ATP2C2: variants seen among roughly 807,000 people sequenced by gnomAD.
ATP2C2 encodes the protein ATPase secretory pathway Ca2+ transporting 2, also known as calcium-transporting ATPase type 2C member 2.
ATP2C2 carries 171 observed loss-of-function variants against 110.8 expected under a neutral mutation model. The ratio of observed to expected loss-of-function variants is 1.54; its 90% confidence interval spans 1.36 to 1.75. ATP2C2 has a LOEUF of 1.75. ATP2C2 is among the 40% of genes most tolerant of loss of function. ATP2C2 has a pLI of 0.00. For synonymous variants in ATP2C2, 804 were observed against 508.4 expected, an observed-to-expected ratio of 1.58 and a Z score of -7.82; for missense variants, 1,963 against 1,235.0, an observed-to-expected ratio of 1.59 and a Z score of -8.84.
At chr16:84,389,857 A>G (rs1008121048) in intron 1 of ATP2C2, among the ~76,000 whole-genome samples, 2 of 151,584 alleles carry the variant, frequency 1.3e-5, no homozygotes, top group African/African-American at 4.9e-5. Context: ...AGTAGCTGGG[A>G]CTACAGGCAT....
intron 4 of ATP2C2, 94 bp downstream of exon 4, chr16:84,408,588 G>T: frequency 1.0e-6 from 1 of 968,210 alleles, no homozygotes; most frequent in Non-Finnish European, 1.5e-6. Flanking sequence ...AAAAGAGTTT[G>T]CTGTAGGGGG....
At chr16:84,452,193 G>A in intron 18 of ATP2C2, 102 bp downstream of exon 18, 1 of 1,413,804 alleles carries the variant, frequency 7.1e-7, no homozygotes, top group Non-Finnish European at 9.7e-7. Context: ...GGTCAGGAGT[G>A]CTCACGCCTA....
intron 7 of ATP2C2, among the ~76,000 whole-genome samples, chr16:84,419,405 C>T (rs1907128163): frequency 6.6e-6 from 1 of 152,052 alleles, no homozygotes; most frequent in South Asian, 2.1e-4. Flanking sequence ...ACCCTCCGTC[C>T]TCCCCTCCCT....
At chr16:84,379,334 T>C (rs957899565) in intron 1 of ATP2C2, among the ~76,000 whole-genome samples, 1 of 152,162 alleles carries the variant, frequency 6.6e-6, no homozygotes, top group Admixed American at 6.5e-5. Flanking sequence ...ACAACCATGC[T>C]TGGCTAATTT....
chr16:84,416,717 C>T (rs914177137), intron 7 of ATP2C2, among the ~76,000 whole-genome samples: 1 of 152,152 alleles, frequency 6.6e-6, no homozygotes, highest in African/African-American at 2.4e-5. Context: ...CGGGCTCAGG[C>T]TGGTGCCCTC....
At chr16:84,412,145 C>G (rs371127419) in intron 6 of ATP2C2, among the ~76,000 whole-genome samples, 47 of 152,262 alleles carry the variant, frequency 3.1e-4, no homozygotes, top group African/African-American at 1.1e-3. Context: ...TCCCAAGTAG[C>G]TGGGAATACA....
At chr16:84,454,702 C>A in intron 20 of ATP2C2, 116 bp from the exon 21 acceptor site, 1 of 1,126,306 alleles carries the variant, frequency 8.9e-7, no homozygotes, top group Non-Finnish European at 1.2e-6. Context: ...AGCTGGGATT[C>A]GAATTCCGGG....
chr16:84,410,291 A>T (rs995119542), intron 4 of ATP2C2, among the ~76,000 whole-genome samples: 1 of 152,108 alleles, frequency 6.6e-6, no homozygotes, highest in Admixed American at 6.5e-5. Context: ...GCAGTTTATA[A>T]AAGAATATGT....
intron 11 of ATP2C2, among the ~76,000 whole-genome samples, chr16:84,433,837 C>T (rs1386169287): frequency 6.6e-6 from 1 of 152,146 alleles, no homozygotes; most frequent in Non-Finnish European, 1.5e-5. Context: ...CCAAATACCC[C>T]AATTCTCTCC....
chr16:84,433,973 G>C lies in ATP2C2; in HGVS notation c.987-5193G>C, dbSNP rs1455493168. On this transcript the variant is annotated intron_variant, in intron 11 of 26. Transcript: ENST00000262429. ...CTTTCCCCCTCTCATTTGTCATTTTGAAAGGGCGAGGTTTTTCAGTTTTAG... is the reference window on the plus strand; with the variant it reads ...CTTTCCCCCTCTCATTTGTCATTTTCAAAGGGCGAGGTTTTTCAGTTTTAG... 2.6e-5 allele frequency among the ~76,000 whole-genome samples: 4 copies of C among 152,268 alleles called. No individual in the cohort carries two copies. The East Asian group carries it at 7.7e-4, about 29-fold the overall frequency.
chr16:84,418,399 C>T (rs1024649454), intron 7 of ATP2C2, among the ~76,000 whole-genome samples: 4 of 152,284 alleles, frequency 2.6e-5, no homozygotes, highest in African/African-American at 9.6e-5. Context: ...CCTGCTGAAC[C>T]CACACACAAC....
At chr16:84,405,026 C>A (rs775965619) in intron 2 of ATP2C2, 102 bp from the exon 3 acceptor site, 19 of 954,848 alleles carry the variant, frequency 2.0e-5, no homozygotes, top group Non-Finnish European at 3.3e-5. Flanking sequence ...GTGTCCCTGG[C>A]CCATCATGGA....
At chr16:84,445,035 C>T (rs896520934) in intron 15 of ATP2C2, among the ~76,000 whole-genome samples, 1 of 152,116 alleles carries the variant, frequency 6.6e-6, no homozygotes, top group African/African-American at 2.4e-5. Flanking sequence ...GCTCTGTGGC[C>T]AGAAGTTGAA....
At chr16:84,382,315 T>G (rs777033710) in intron 1 of ATP2C2, among the ~76,000 whole-genome samples, 10 of 152,224 alleles carry the variant, frequency 6.6e-5, no homozygotes, top group Non-Finnish European at 1.5e-4. Context: ...GGACACGAAC[T>G]CATCCTTTTT....
At chr16:84,438,893 G>C (rs887304705) in intron 11 of ATP2C2, 19 of 317,130 alleles carry the variant, frequency 6.0e-5, no homozygotes, top group Non-Finnish European at 1.1e-4. Context: ...TACTTTTAAA[G>C]AGGCAAAACA....
intron 16 of ATP2C2, among the ~76,000 whole-genome samples, chr16:84,448,266 C>G (rs780063894): frequency 2.0e-4 from 29 of 147,652 alleles, no homozygotes; most frequent in African/African-American, 7.6e-4. Flanking sequence ...CTCTGAGTGA[C>G]CATAACAAGG....
At chr16:84,455,381 G>C (rs976348576) in intron 21 of ATP2C2, among the ~76,000 whole-genome samples, 2 of 152,162 alleles carry the variant, frequency 1.3e-5, no homozygotes, top group East Asian at 3.9e-4. Flanking sequence ...GGTGAGAAAG[G>C]ATTAAAATGA....
In ATP2C2 at chr16:84,459,346, C is replaced by CGGAGCACA; in HGVS notation, c.2293_2294insGGAGCACA (p.Leu765ArgfsTer20). On this transcript the variant is annotated frameshift_variant, in exon 23 of 27. Transcript: ENST00000262429. LOFTEE classifies it high-confidence loss of function. ...CAGCCCCCTCAACGCCATGCAGATC[C>CGGAGCACA]TATGGATCAACATCATCATGGATGG... The CGGAGCACA allele has an allele frequency of 1.2e-6, 2 of 1,614,214 alleles. No homozygotes were observed. Among genetic ancestry groups the CGGAGCACA allele is most frequent in the Non-Finnish European group, 1.7e-6 (2 of 1,180,040 alleles).
intron 17 of ATP2C2, among the ~76,000 whole-genome samples, chr16:84,449,193 C>G (rs1388028325): frequency 6.6e-6 from 1 of 152,246 alleles, no homozygotes; most frequent in Non-Finnish European, 1.5e-5. Flanking sequence ...CTCCTGAGCA[C>G]TGGTATTCCC....
Sources: allele counts gnomAD v4.1 joint callset (sites outside exome capture counted in the v4.1 genomes callset), GRCh38; gene constraint gnomAD v4.1.1; transcripts MANE v1.5; gene names NCBI Gene and HGNC (gene_info 2026-07-23, HGNC 2026-07-21).